The following SLC9A3 variants were observed in gnomAD, a reference collection of about 807,000 sequenced individuals.
SLC9A3 encodes solute carrier family 9 member A3, also known as sodium/hydrogen exchanger 3.
A neutral mutation model predicts 86.8 loss-of-function variants in SLC9A3; 37 were observed. That is an observed-to-expected ratio of 0.43 (90% CI 0.33 to 0.56). The LOEUF is 0.56. SLC9A3 is among the 20% of genes least tolerant of loss of function. SLC9A3 has a pLI of 0.06. For missense variants in SLC9A3, 1,011 were observed against 1,171.9 expected, an observed-to-expected ratio of 0.86 and a Z score of 2.00; for synonymous variants, 581 against 528.3, an observed-to-expected ratio of 1.10 and a Z score of -1.37.
rs1342929533 is a variant in SLC9A3 at position 496,611 on chromosome 5, C to T, written c.212-4540G>A. On this transcript the variant is annotated intron_variant, in intron 1 of 16. Transcript: ENST00000264938. The surrounding 1 kb of genome is among the most constrained non-coding windows in gnomAD (Gnocchi z 4.7). The stretch of plus-strand genomic sequence containing the variant: ...TTGTCTTCTGTCATTTTGCTCCATG[C>T]GAACGTCTTTTCTTTTTATAGTTAA... 3.9e-5 allele frequency among the ~76,000 whole-genome samples: 6 copies of T among 152,208 alleles called. No homozygotes were observed. Among genetic ancestry groups the T allele is most frequent in the East Asian group, 1.9e-4 (1 of 5,196 alleles).
chr5:483,237 C>T (rs34562440), intron 6 of SLC9A3, 25 bp downstream of exon 6: 39,568 of 1,509,724 alleles, frequency 0.026, 652 homozygotes, highest in Non-Finnish European at 0.031. Context: ...GGTGGTCCCA[C>T]GGCCGCAACC....
intron 3 of SLC9A3, among the ~76,000 whole-genome samples, chr5:486,516 T>G (rs1183454212): frequency 6.6e-6 from 1 of 152,142 alleles, no homozygotes; most frequent in African/African-American, 2.4e-5. Flanking sequence ...GGAGGCACCG[T>G]CCCCGCCTCC....
At chr5:489,454 A>C (rs1157040673) in intron 2 of SLC9A3, among the ~76,000 whole-genome samples, 2 of 152,142 alleles carry the variant, frequency 1.3e-5, no homozygotes, top group African/African-American at 2.4e-5. Flanking sequence ...GACGGGCCCC[A>C]GGAGACAGCA....
chr5:514,994 C>A (rs559843806), intron 1 of SLC9A3, among the ~76,000 whole-genome samples: 16 of 152,276 alleles, frequency 1.1e-4, no homozygotes, highest in African/African-American at 3.6e-4. Context: ...TGGGATGGTC[C>A]AGCACAAAGC....
chr5:500,897 C>T (rs1222241838), intron 1 of SLC9A3, among the ~76,000 whole-genome samples: 2 of 148,470 alleles, frequency 1.3e-5, no homozygotes, highest in Non-Finnish European at 3.0e-5. Flanking sequence ...GACATGGGGT[C>T]GGTGTGGACG....
At chr5:483,205 C>A in intron 6 of SLC9A3, 57 bp downstream of exon 6, 1 of 1,345,078 alleles carries the variant, frequency 7.4e-7, no homozygotes, top group South Asian at 1.3e-5. Context: ...CTGCGCCTTC[C>A]CGGAGACGGT....
intron 1 of SLC9A3, among the ~76,000 whole-genome samples, chr5:508,132 A>T (rs1417272978): frequency 1.3e-5 from 2 of 152,254 alleles, no homozygotes; most frequent in African/African-American, 2.4e-5. Context: ...CGCGGAGCCC[A>T]GCTATGGAAT....
At chr5:479,202 C>T (rs1450607668) in intron 10 of SLC9A3, 1 of 153,114 alleles carries the variant, frequency 6.5e-6, no homozygotes, top group Non-Finnish European at 1.5e-5. Flanking sequence ...TGCACACTTC[C>T]TGCAGCCAGG....
intron 15 of SLC9A3, 50 bp downstream of exon 15, chr5:475,511 C>CG (rs1560948086): frequency 9.0e-7 from 1 of 1,115,370 alleles, no homozygotes; most frequent in Non-Finnish European, 1.3e-6. Flanking sequence ...CCTCCTGGGG[C>CG]GGCAGGAGCC....
intron 14 of SLC9A3, 97 bp from the exon 15 acceptor site, chr5:475,768 G>A: frequency 1.3e-6 from 1 of 767,614 alleles, no homozygotes. Flanking sequence ...CAGAGGTGCA[G>A]GCAGTCGGGA....
In SLC9A3 at chr5:475,737, A is replaced by G. The variant is rs139021838; in HGVS notation, c.2141-66T>C. On this transcript the variant is annotated intron_variant, in intron 14 of 16. Coordinates refer to ENST00000264938, the MANE Select transcript of SLC9A3 (RefSeq NM_004174.4). ...GGGCTGTCCTCACAGCCCAGTCAGC[A>G]GTGTCCATCAGCTCTGTGCACAGAG... 1.0e-4 allele frequency: 90 copies of G among 892,722 alleles called. No individual in the cohort carries two copies. The African/African-American group carries it at 1.4e-3, about 14-fold the overall frequency. 55.3% of individuals were successfully genotyped at this position (892,722 alleles called of 1,614,324 possible).
At chr5:514,485 G>T (rs536613946) in intron 1 of SLC9A3, among the ~76,000 whole-genome samples, 1 of 152,348 alleles carries the variant, frequency 6.6e-6, no homozygotes, top group Non-Finnish European at 1.5e-5. Flanking sequence ...TTGCCTGTCG[G>T]GGGCTTTGCT....
At chr5:488,024 C>T (rs564721481) in intron 3 of SLC9A3, among the ~76,000 whole-genome samples, 2 of 152,248 alleles carry the variant, frequency 1.3e-5, no homozygotes, top group Non-Finnish European at 2.9e-5. Flanking sequence ...GGTCCAAAGT[C>T]ACAGACGCTC....
rs575230314 is a variant in SLC9A3 at position 497,929 on chromosome 5, T to G, written c.212-5858A>C. On this transcript the variant is annotated intron_variant, in intron 1 of 16. Coordinates refer to ENST00000264938, the MANE Select transcript of SLC9A3 (RefSeq NM_004174.4). The surrounding 1 kb of genome is among the most constrained non-coding windows in gnomAD (Gnocchi z 5.4). ...CCGGCCGCATCCCCAGCCTCTGCCC[T>G]CCGACAACTCAGGCACCTGCTGGTC... is the stretch of plus-strand genomic sequence containing the variant. Among the ~76,000 whole-genome samples, 6 of 152,114 alleles carry G rather than the reference T, an allele frequency of 3.9e-5. No individual in the cohort carries two copies. In the South Asian group the frequency reaches 1.3e-3, roughly 32 times the overall value.
chr5:488,522 CGAG>C (rs1164032299), intron 2 of SLC9A3, 46 bp from the exon 3 acceptor site: 3 of 1,480,584 alleles, frequency 2.0e-6, no homozygotes, highest in Non-Finnish European at 2.7e-6. Context: ...GCCTGCCACC[CGAG>C]GAGGAGGGCC....
At chr5:519,550 A>C (rs1009422151) in intron 1 of SLC9A3, among the ~76,000 whole-genome samples, 1 of 152,218 alleles carries the variant, frequency 6.6e-6, no homozygotes, top group African/African-American at 2.4e-5. Flanking sequence ...TGGTCTAGGC[A>C]GTGTCACACC....
intron 2 of SLC9A3, among the ~76,000 whole-genome samples, chr5:489,766 A>G (rs1171189033): frequency 6.6e-6 from 1 of 152,126 alleles, no homozygotes; most frequent in Non-Finnish European, 1.5e-5. Context: ...CCCCCAGGGC[A>G]GTGATGGCCC....
At chr5:490,558 C>T (rs1009637827) in intron 2 of SLC9A3, among the ~76,000 whole-genome samples, 11 of 152,212 alleles carry the variant, frequency 7.2e-5, no homozygotes, top group Non-Finnish European at 1.3e-4. Context: ...CTCAAAGGAG[C>T]GGCCCTGACG....
At chr5:506,739 G>A (rs750026522) in intron 1 of SLC9A3, among the ~76,000 whole-genome samples, 9 of 152,304 alleles carry the variant, frequency 5.9e-5, no homozygotes, top group Admixed American at 1.3e-4. Context: ...CAAGGAAAAC[G>A]AAGGATAAAA....
Sources: gnomAD v4.1 joint callset for allele counts (sites outside exome capture counted in the v4.1 genomes callset) on GRCh38, gnomAD v4.1.1 for gene constraint, Gnocchi (gnomAD v3.1) non-coding constraint, MANE v1.5 for transcripts, NCBI Gene and HGNC (gene_info 2026-07-23, HGNC 2026-07-21) for gene names.